WDFY4: variants seen among roughly 807,000 people sequenced by gnomAD.
The protein encoded by WDFY4 is WDFY family member 4, also known as WD repeat- and FYVE domain-containing protein 4.
A neutral mutation model predicts 351.9 loss-of-function variants in WDFY4; 169 were observed. The observed-to-expected ratio is 0.48, with a 90% CI of 0.42 to 0.55. The LOEUF (loss-of-function observed/expected upper bound fraction) is 0.55, where lower values mean the gene tolerates loss of function less well. WDFY4 is among the 20% of genes least tolerant of loss of function. The pLI, the probability that WDFY4 is intolerant of heterozygous loss-of-function variation, is 0.00. For synonymous variants in WDFY4, 1,622 were observed against 1,574.6 expected, an observed-to-expected ratio of 1.03 and a Z score of -0.71; for missense variants, 3,803 against 3,935.6, an observed-to-expected ratio of 0.97 and a Z score of 0.90.
At chr10:48,849,230 A>AT (rs2068877860) in intron 39 of WDFY4, among the ~76,000 whole-genome samples, 1 of 152,216 alleles carries the variant, frequency 6.6e-6, no homozygotes, top group Non-Finnish European at 1.5e-5. Flanking sequence ...CACATAATAT[A>AT]TGGGGTTAAG....
chr10:48,968,845 C>T (rs182999779), intron 55 of WDFY4: 3 of 544,320 alleles, frequency 5.5e-6, no homozygotes, highest in East Asian at 6.3e-5. Flanking sequence ...GTGACTCCTG[C>T]CCCGGGGCCC....
intron 20 of WDFY4, among the ~76,000 whole-genome samples, chr10:48,787,921 CT>C (rs1589610614): frequency 1.4e-5 from 1 of 70,668 alleles, no homozygotes; most frequent in Non-Finnish European, 2.7e-5. Flanking sequence ...TCTTCTTCTT[CT>C]TCTTCTTCTT....
intron 47 of WDFY4, among the ~76,000 whole-genome samples, chr10:48,930,871 G>A (rs1265766340): frequency 6.6e-6 from 1 of 152,126 alleles, no homozygotes; most frequent in Non-Finnish European, 1.5e-5. Flanking sequence ...TTGTCCGTGT[G>A]AGCCCTGTGT....
intron 39 of WDFY4, among the ~76,000 whole-genome samples, chr10:48,844,303 G>A (rs985653744): frequency 4.6e-5 from 7 of 152,122 alleles, no homozygotes; most frequent in Admixed American, 1.3e-4. Flanking sequence ...AGAAAGCACT[G>A]AGTCCAGGCC....
intron 13 of WDFY4, among the ~76,000 whole-genome samples, chr10:48,767,434 C>A (rs1287634531): frequency 6.6e-6 from 1 of 152,158 alleles, no homozygotes; most frequent in Non-Finnish European, 1.5e-5. Flanking sequence ...GGTATATTTC[C>A]AACTGACATT....
chr10:48,879,048 A>T (rs2070142612), intron 43 of WDFY4, among the ~76,000 whole-genome samples: 1 of 152,260 alleles, frequency 6.6e-6, no homozygotes, highest in Admixed American at 6.5e-5. Context: ...CTAACGGCAG[A>T]TCATAACAGT....
intron 16 of WDFY4, 46 bp downstream of exon 16, chr10:48,777,030 C>T: frequency 2.6e-6 from 4 of 1,512,214 alleles, no homozygotes; most frequent in South Asian, 1.3e-5. Flanking sequence ...ATTAATTTTG[C>T]AGTGCCTCTG....
chr10:48,725,696 C>T (rs1398733954), intron 5 of WDFY4, among the ~76,000 whole-genome samples, 185 bp from the exon 6 acceptor site: 2 of 152,160 alleles, frequency 1.3e-5, no homozygotes, highest in Non-Finnish European at 2.9e-5. Context: ...GCCCCAGGCC[C>T]TGCCACCCTT....
intron 43 of WDFY4, among the ~76,000 whole-genome samples, chr10:48,882,378 A>G (rs775283817): frequency 5.9e-5 from 9 of 152,140 alleles, no homozygotes; most frequent in Non-Finnish European, 1.2e-4. Flanking sequence ...TGCTATTAAT[A>G]TTATTATTAG....
intron 13 of WDFY4, among the ~76,000 whole-genome samples, chr10:48,760,834 C>T (rs1024489699): frequency 5.3e-5 from 8 of 152,196 alleles, no homozygotes; most frequent in African/African-American, 1.9e-4. Flanking sequence ...GATCCTGGCC[C>T]TGTGCTCTGT....
At chr10:48,761,697 T>C (rs1435236837) in intron 13 of WDFY4, among the ~76,000 whole-genome samples, 1 of 152,078 alleles carries the variant, frequency 6.6e-6, no homozygotes, top group Non-Finnish European at 1.5e-5. Context: ...AGTCTCAAGA[T>C]AAAGAACAAA....
rs560583037 is a variant in WDFY4 at position 48,779,858 on chromosome 10, C to T, written c.3398-83C>T. On this transcript the variant is annotated intron_variant, in intron 18 of 61. Coordinates refer to ENST00000325239, the MANE Select transcript of WDFY4 (RefSeq NM_001394531.1). ...CCATGGTACAAGGCCCAGTGGTTGA[C>T]GTCCGCCTATGCCCTCCCCATTCTC... 2.4e-4 allele frequency: 354 copies of T among 1,477,780 alleles called. 1 individual carries two copies. The highest frequency in any genetic ancestry group is 3.1e-4 in the Non-Finnish European group (341 of 1,095,848). 91.5% of individuals were successfully genotyped at this position (1,477,780 alleles called of 1,614,324 possible). A position where few individuals can be genotyped will look rare whatever the true frequency, so the allele number is the denominator to read the frequency against.
At chr10:48,915,927 A>G (rs1389569336) in intron 47 of WDFY4, among the ~76,000 whole-genome samples, 1 of 152,226 alleles carries the variant, frequency 6.6e-6, no homozygotes. Flanking sequence ...ATGTTCACCA[A>G]TACTGAACTG....
intron 16 of WDFY4, 82 bp downstream of exon 16, chr10:48,777,066 T>G (rs1204693742): frequency 7.0e-7 from 1 of 1,420,578 alleles, no homozygotes; most frequent in Non-Finnish European, 9.5e-7. Flanking sequence ...GATTGCAAAC[T>G]TGTAGTTCCC....
At chr10:48,695,818 G>A (rs1358490578) in intron 1 of WDFY4, among the ~76,000 whole-genome samples, 1 of 152,070 alleles carries the variant, frequency 6.6e-6, no homozygotes, top group Non-Finnish European at 1.5e-5. Flanking sequence ...CAGGGGAACT[G>A]CTCCCTGGCC....
intron 47 of WDFY4, among the ~76,000 whole-genome samples, chr10:48,908,141 C>G (rs1451001286): frequency 6.6e-6 from 1 of 152,218 alleles, no homozygotes; most frequent in Non-Finnish European, 1.5e-5. Context: ...ACCTCAGATC[C>G]CTTCCAGGGC....
chr10:48,943,724 C>G (rs536216845), intron 49 of WDFY4, among the ~76,000 whole-genome samples: 111 of 152,312 alleles, frequency 7.3e-4, no homozygotes, highest in African/African-American at 2.5e-3. Flanking sequence ...TCCTGAGTAG[C>G]TGGGATTACA....
At chr10:48,806,885 A>G (rs1296540220) in intron 27 of WDFY4, among the ~76,000 whole-genome samples, 1 of 152,244 alleles carries the variant, frequency 6.6e-6, no homozygotes, top group Non-Finnish European at 1.5e-5. Flanking sequence ...AGTGCTCACT[A>G]GCTACCTGAG....
intron 19 of WDFY4, among the ~76,000 whole-genome samples, chr10:48,781,266 G>A (rs765859728): frequency 3.5e-4 from 53 of 150,646 alleles, no homozygotes; most frequent in African/African-American, 1.0e-3. Flanking sequence ...GTGTGTGTGT[G>A]TATATATATA....
Sources: gnomAD v4.1 joint callset for allele counts (sites outside exome capture counted in the v4.1 genomes callset) on GRCh38, gnomAD v4.1.1 for gene constraint, MANE v1.5 for transcripts, NCBI Gene and HGNC (gene_info 2026-07-23, HGNC 2026-07-21) for gene names.